Variants in SLC9A5 observed in about 807,000 individuals in gnomAD.
The protein encoded by SLC9A5 is sodium/hydrogen exchanger 5.
Under a neutral mutation model 91.7 loss-of-function variants are expected in SLC9A5, and 52 were observed. That is an observed-to-expected ratio of 0.57 (90% CI 0.45 to 0.71). SLC9A5 has a LOEUF of 0.71. SLC9A5 is among the 30% of genes least tolerant of loss of function. SLC9A5 has a pLI of 0.00. For synonymous variants in SLC9A5, 419 were observed against 474.5 expected (o/e 0.88, Z 1.52); for missense variants, 871 against 1,158.9 (o/e 0.75, Z 3.61).
At position 67,268,696 on chromosome 16, in the gene SLC9A5, ATATATATATATATATT is replaced by A. The variant is rs1211578159; in HGVS notation, c.2219-2040_2219-2025del. ...TATATATATATATATATATATATATATATATATATATATATTTTTACAGTAGGCTTGTCCAATGTCC... is the reference window on the plus strand; with the variant it reads ...TATATATATATATATATATATATATATTTACAGTAGGCTTGTCCAATGTCC... On this transcript the variant is annotated intron_variant, in intron 15 of 15. Coordinates refer to ENST00000299798, the MANE Select transcript of SLC9A5 (RefSeq NM_004594.3). Among the ~76,000 whole-genome samples, 222 of 86,472 alleles carry A rather than the reference ATATATATATATATATT, an allele frequency of 2.6e-3. 4 individuals carry two copies. Among genetic ancestry groups the A allele is most frequent in the South Asian group, 0.014 (35 of 2,496 alleles). The allele number at this position is 86,472 out of a possible 152,430, so 56.7% of individuals were successfully genotyped here. A position where few individuals can be genotyped will look rare whatever the true frequency, so the allele number is the denominator to read the frequency against.
In SLC9A5 at chr16:67,252,851, G is replaced by A; in HGVS notation, c.490+7G>A. ...CAGCAGGCTGGACTTGTAGGTGAGT[G>A]ACCCTAAGACCTGGGCTTTGCCAGA... is the stretch of plus-strand genomic sequence containing the variant. On this transcript the variant is annotated splice_region_variant and intron_variant, in intron 2 of 15. Transcript: ENST00000299798. This position sits in a 1 kb window ranked among gnomAD's most constrained non-coding sequence, Gnocchi z 4.0. 1.2e-6 allele frequency: 2 copies of A among 1,607,868 alleles called. No individual in the cohort carries two copies. Among genetic ancestry groups the A allele is most frequent in the Non-Finnish European group, 1.7e-6 (2 of 1,178,228 alleles).
At position 67,258,067 on chromosome 16, in the gene SLC9A5, T is replaced by G. The variant is rs1029521670; in HGVS notation, c.1497-251T>G. Among the ~76,000 whole-genome samples, 1 of 152,260 alleles carries G rather than the reference T, an allele frequency of 6.6e-6. No individual in the cohort carries two copies. The highest frequency in any genetic ancestry group is 6.5e-5 in the Admixed American group (1 of 15,286). On this transcript the variant is annotated intron_variant, in intron 9 of 15. Transcript: ENST00000299798. The surrounding 1 kb of genome is among the most constrained non-coding windows in gnomAD (Gnocchi z 4.5). Reference sequence around the variant, plus strand: ...TAGGACGTATCTGTGTCATATTCTCTAATTATCCTTTGTAGTTCTTGTCAT... The same window carrying G: ...TAGGACGTATCTGTGTCATATTCTCGAATTATCCTTTGTAGTTCTTGTCAT...
Position 67,257,373 on chromosome 16 carries a change from G to A in SLC9A5, c.1364G>A (p.Trp455Ter). The A allele has an allele frequency of 6.2e-7, 1 of 1,614,188 alleles. No individual in the cohort carries two copies. Among genetic ancestry groups the A allele is most frequent in the Non-Finnish European group, 8.5e-7 (1 of 1,180,012 alleles). Residue 455 changes from tryptophan to a stop codon, truncating the protein, a stop_gained, in exon 8 of 16, where the codon TGG becomes TAG. Transcript: ENST00000299798. LOFTEE classifies it high-confidence loss of function. This position sits in a 1 kb window ranked among gnomAD's most constrained non-coding sequence, Gnocchi z 5.1. The stretch of plus-strand genomic sequence containing the variant: ...TTGACCATCAAGCCACTGGTCAAAT[G>A]GCTGAAGGTGAAGAGGAGTGAGCAT... Reference protein sequence around the residue: ...QGLTIKPLVKWLKVKRSEHHK... With the variant: ...QGLTIKPLVK
Position 67,271,315 on chromosome 16 carries a change from T to C in SLC9A5, c.*105T>C. On this transcript the variant is annotated 3_prime_UTR_variant, in exon 16 of 16. Coordinates refer to ENST00000299798, the MANE Select transcript of SLC9A5 (RefSeq NM_004594.3). Reference sequence around the variant, plus strand: ...TGACATGGGGCCAGAAGGGCCTGGGTTGAAGTAGTAATTGGGCTTCCTTGG... The same window carrying C: ...TGACATGGGGCCAGAAGGGCCTGGGCTGAAGTAGTAATTGGGCTTCCTTGG... 1 of 1,035,342 alleles carries C rather than the reference T, an allele frequency of 9.7e-7. No individual in the cohort carries two copies. Among genetic ancestry groups the C allele is most frequent in the Non-Finnish European group, 1.4e-6 (1 of 704,400 alleles). The allele number at this position is 1,035,342 out of a possible 1,614,324, so 64.1% of individuals were successfully genotyped here.
chr16:67,268,658 T>TTATTTA (rs2035800017), intron 15 of SLC9A5, among the ~76,000 whole-genome samples: 1 of 42,328 alleles, frequency 2.4e-5, no homozygotes, highest in Non-Finnish European at 4.2e-5. Context: ...ATTTCCCTGA[T>TTATTTA]TATATATATA....
chr16:67,263,008 A>G, intron 12 of SLC9A5: 1 of 152,646 alleles, frequency 6.6e-6, no homozygotes, highest in Non-Finnish European at 1.5e-5. Context: ...AAAGGGAGAC[A>G]ATGGTGTTCA....
chr16:67,268,709 TA>T (rs1359363733), intron 15 of SLC9A5, among the ~76,000 whole-genome samples: 28 of 102,340 alleles, frequency 2.7e-4, no homozygotes, highest in South Asian at 3.3e-4. Flanking sequence ...TATATATATA[TA>T]TTTTTACAGT....
chr16:67,265,309 C>T (rs2035663693), intron 14 of SLC9A5, among the ~76,000 whole-genome samples: 1 of 152,236 alleles, frequency 6.6e-6, no homozygotes, highest in Non-Finnish European at 1.5e-5. Context: ...TGATTGCTAA[C>T]TATGGGTTAC....
intron 1 of SLC9A5, among the ~76,000 whole-genome samples, chr16:67,250,998 C>A (rs1338951987): frequency 6.6e-6 from 1 of 152,196 alleles, no homozygotes; most frequent in Non-Finnish European, 1.5e-5. Context: ...ATTTAATTAA[C>A]ATTTGGTGTG....
In SLC9A5 at chr16:67,259,555, T is replaced by G; in HGVS notation, c.1627-18T>G. On this transcript the variant is annotated intron_variant, in intron 10 of 15. Transcript: ENST00000299798. ...CCTCCATCTGATTGCTGGCTGACCT[T>G]GGTCTTGACACCTGCAGGGAGGCCA... The G allele has an allele frequency of 6.2e-7, 1 of 1,607,188 alleles. No individual in the cohort carries two copies. The highest frequency in any genetic ancestry group is 8.5e-7 in the Non-Finnish European group (1 of 1,173,696).
Position 67,266,214 on chromosome 16 carries a change from G to T in SLC9A5, c.2207G>T (p.Gly736Val). ...GCCACCAGTGAGGTTCTCCAAGAGG[G>T]CAAGGTCTCAGGTAATGGCTTCCTC... Reference protein sequence around the residue: ...ARATSEVLQEGKVSGSLEVCP... With the variant: ...ARATSEVLQEVKVSGSLEVCP... The change falls in exon 15 of 16, where the codon GGC (glycine) becomes GTC (valine). Residue 736 changes from glycine to valine, a missense_variant. Transcript: ENST00000299798. 6.2e-7 allele frequency: 1 copy of T among 1,604,098 alleles called. No homozygotes were observed. Among genetic ancestry groups the T allele is most frequent in the Non-Finnish European group, 8.5e-7 (1 of 1,175,642 alleles).
rs977498335 is a variant in SLC9A5 at position 67,256,367 on chromosome 16, T to A, written c.912-102T>A. 1.3e-6 allele frequency: 1 copy of A among 792,296 alleles called. No homozygotes were observed. Among genetic ancestry groups the A allele is most frequent in the Non-Finnish European group, 2.1e-6 (1 of 468,860 alleles). The allele number at this position is 792,296 out of a possible 1,614,324, so 49.1% of individuals were successfully genotyped here. ...GGGCTTCAGCTCTGAGAGTCTGACA[T>A]CCTGTAATGGGCAATGCCCCCTCCT... On this transcript the variant is annotated intron_variant, in intron 5 of 15. Coordinates refer to ENST00000299798, the MANE Select transcript of SLC9A5 (RefSeq NM_004594.3). The surrounding 1 kb of genome is among the most constrained non-coding windows in gnomAD (Gnocchi z 4.1).
intron 12 of SLC9A5, chr16:67,263,760 G>C (rs2035608022): frequency 6.5e-6 from 1 of 153,850 alleles, no homozygotes; most frequent in African/African-American, 2.4e-5. Context: ...CTCCAGCCTG[G>C]GTGACAAGAG....
In SLC9A5 at chr16:67,252,276, T is replaced by C. The variant is rs1192154634; in HGVS notation, c.188-266T>C. The stretch of plus-strand genomic sequence containing the variant: ...CAGCCTGGCCAACATAGTGAAACCC[T>C]GTCTCTACTAAGAATATAAAAAAAA... On this transcript the variant is annotated intron_variant, in intron 1 of 15. Coordinates refer to ENST00000299798, the MANE Select transcript of SLC9A5 (RefSeq NM_004594.3). This position sits in a 1 kb window ranked among gnomAD's most constrained non-coding sequence, Gnocchi z 4.0. 6.6e-6 allele frequency among the ~76,000 whole-genome samples: 1 copy of C among 152,072 alleles called. No individual in the cohort carries two copies. Among genetic ancestry groups the C allele is most frequent in the African/African-American group, 2.4e-5 (1 of 41,386 alleles).
chr16:67,268,421 G>A (rs1186914713), intron 15 of SLC9A5, among the ~76,000 whole-genome samples: 1 of 147,390 alleles, frequency 6.8e-6, no homozygotes, highest in Non-Finnish European at 1.5e-5. Flanking sequence ...CAACCTCTTG[G>A]GCTCAAGCCA....
rs777947027 is a variant in SLC9A5 at position 67,255,471 on chromosome 16, G to C, written c.733G>C (p.Ala245Pro). The change falls in exon 4 of 16, where the codon GCC (alanine) becomes CCC (proline). Residue 245 changes from alanine (A) to proline (P), a missense_variant and splice_region_variant. By Grantham distance (27) the Ala-to-Pro change is conservative. Transcript: ENST00000299798. This position sits in a 1 kb window ranked among gnomAD's most constrained non-coding sequence, Gnocchi z 4.9. ...VQATDYLKGV[A>P]SLFVVSLGGA... ...GGCCACTGACTACCTGAAGGGAGTC[G>C]GTCAGTATTTCCCCGCTCCCAGCTG... 1.2e-6 allele frequency: 2 copies of C among 1,613,624 alleles called. No individual in the cohort carries two copies. Among genetic ancestry groups the C allele is most frequent in the Non-Finnish European group, 1.7e-6 (2 of 1,179,596 alleles).
intron 15 of SLC9A5, among the ~76,000 whole-genome samples, chr16:67,268,303 T>G (rs2035783810): frequency 6.7e-6 from 1 of 149,504 alleles, no homozygotes; most frequent in Admixed American, 6.7e-5. Flanking sequence ...AGGCGTGAAC[T>G]ACCATGCCCA....
rs1312687418 is a variant in SLC9A5, at chr16:67,251,879, T to C, written c.188-663T>C. On this transcript the variant is annotated intron_variant, in intron 1 of 15. Transcript: ENST00000299798. ...AACTTGACTCCAAAGACCCTGATTTTTACAGCTTTCTTACATATAAAAAGA... is the reference window on the plus strand; with the variant it reads ...AACTTGACTCCAAAGACCCTGATTTCTACAGCTTTCTTACATATAAAAAGA... Among the ~76,000 whole-genome samples the C allele has an allele frequency of 2.6e-5, 4 of 152,170 alleles. No homozygotes were observed. The East Asian group carries it at 7.7e-4, about 29-fold the overall frequency.
chr16:67,268,694 ATATATATATATATATATT>A (rs1236531940), intron 15 of SLC9A5, among the ~76,000 whole-genome samples: 923 of 90,026 alleles, frequency 0.01, 48 homozygotes, highest in South Asian at 0.038. Flanking sequence ...ATATATATAT[ATATATATATATATATATT>A]TTTACAGTAG....
Sources: allele counts gnomAD v4.1 joint callset (sites outside exome capture counted in the v4.1 genomes callset), GRCh38; gene constraint gnomAD v4.1.1; non-coding constraint Gnocchi (gnomAD v3.1); transcripts MANE v1.5; gene names NCBI Gene and HGNC (gene_info 2026-07-23, HGNC 2026-07-21).